Variants in SLC4A4 observed in about 807,000 individuals in gnomAD.
The protein encoded by SLC4A4 is solute carrier family 4 member 4.
Under a neutral mutation model 111.5 loss-of-function variants are expected in SLC4A4, and 27 were observed. The ratio of observed to expected loss-of-function variants is 0.24; its 90% confidence interval spans 0.18 to 0.33. SLC4A4 has a LOEUF of 0.33. Ranked by LOEUF, SLC4A4 falls within the 10% of genes least tolerant of loss-of-function variation. The pLI, the probability that SLC4A4 is intolerant of heterozygous loss-of-function variation, is 1.00. For synonymous variants in SLC4A4, 443 were observed against 463.4 expected (o/e 0.96, Z 0.57); for missense variants, 909 against 1,315.5 (o/e 0.69, Z 4.78).
In SLC4A4 at chr4:71,348,696, T is replaced by C. The variant is rs552665026; in HGVS notation, c.390-1216T>C. Among the ~76,000 whole-genome samples the C allele has an allele frequency of 4.6e-5, 7 of 152,286 alleles. No homozygotes were observed. The South Asian group carries it at 1.5e-3, about 32-fold the overall frequency. ...GGCTTGATTAACATTCTAAATTTTC[T>C]TTGACATTGTGGGCTGATCGCTTGA... is the stretch of plus-strand genomic sequence containing the variant. On this transcript the variant is annotated intron_variant, in intron 4 of 25. Coordinates refer to ENST00000264485, the MANE Select transcript of SLC4A4 (RefSeq NM_001098484.3).
At chr4:71,376,373 TTTG>T (rs1265614040) in intron 6 of SLC4A4, among the ~76,000 whole-genome samples, 2 of 150,440 alleles carry the variant, frequency 1.3e-5, no homozygotes, top group African/African-American at 4.9e-5. Flanking sequence ...GGCTAATTTT[TTTG>T]TTATTTTTAG....
intron 2 of SLC4A4, among the ~76,000 whole-genome samples, chr4:71,129,335 A>T (rs1005798806): frequency 1.3e-5 from 2 of 152,208 alleles, no homozygotes; most frequent in Non-Finnish European, 2.9e-5. Context: ...AAAAGGAGAT[A>T]TGCATGTGAC....
At chr4:71,379,697 G>A (rs139886272) in intron 6 of SLC4A4, among the ~76,000 whole-genome samples, 31 of 152,198 alleles carry the variant, frequency 2.0e-4, no homozygotes, top group African/African-American at 5.3e-4. Flanking sequence ...AATGTCACAC[G>A]CTTAGACAAA....
Position 71,146,854 on chromosome 4 carries a change from C to T in SLC4A4, c.-2+54062C>T, listed in dbSNP as rs191904987. On this transcript the variant is annotated intron_variant, in intron 2 of 26. Coordinates refer to the SLC4A4 transcript ENST00000649996. The stretch of plus-strand genomic sequence containing the variant: ...ACTAATGAGCAAAATAACCAGCTAA[C>T]ATCATAATGACAGGATCAAATTCAC... Among the ~76,000 whole-genome samples the T allele has an allele frequency of 3.9e-5, 6 of 152,254 alleles. No individual in the cohort carries two copies. In the East Asian group the frequency reaches 7.7e-4, roughly 20 times the overall value.
At chr4:71,114,103 C>T (rs974759814) in intron 2 of SLC4A4, among the ~76,000 whole-genome samples, 3 of 152,064 alleles carry the variant, frequency 2.0e-5, no homozygotes, top group South Asian at 2.1e-4. Flanking sequence ...AAAAATTAGC[C>T]GGGCGTGGTG....
At chr4:71,566,884 C>A in intron 24 of SLC4A4, 120 bp from the exon 25 acceptor site, 1 of 710,150 alleles carries the variant, frequency 1.4e-6, no homozygotes, top group Admixed American at 2.4e-5. Context: ...TATTGAAATG[C>A]CTAAACTTGT....
rs1728033889 is a variant in SLC4A4 at position 71,331,951 on chromosome 4, C to T, written c.254-7419C>T. 3.3e-5 allele frequency among the ~76,000 whole-genome samples: 5 copies of T among 152,194 alleles called. No homozygotes were observed. The South Asian group carries it at 8.3e-4, about 25-fold the overall frequency. On this transcript the variant is annotated intron_variant, in intron 3 of 25. Transcript: ENST00000264485. ...ATTTGTCCATTTCTTCTAAGTTTCT[C>T]AGTTTATTGGCATATAGTTGCTCGT...
chr4:71,254,626 C>T (rs1280209503), intron 2 of SLC4A4, among the ~76,000 whole-genome samples: 1 of 151,160 alleles, frequency 6.6e-6, no homozygotes, highest in Non-Finnish European at 1.5e-5. Context: ...TGTCCCAGTT[C>T]TAAGTCTCTA....
intron 3 of SLC4A4, among the ~76,000 whole-genome samples, chr4:71,258,889 C>T (rs1393632463): frequency 2.6e-5 from 4 of 152,122 alleles, no homozygotes; most frequent in South Asian, 2.1e-4. Context: ...GAAACTGAAC[C>T]GCAAGGCACA....
chr4:71,402,956 G>A (rs529910817), intron 7 of SLC4A4, among the ~76,000 whole-genome samples: 1 of 152,310 alleles, frequency 6.6e-6, no homozygotes, highest in South Asian at 2.1e-4. Context: ...TTAAACAGTT[G>A]ACAGGGATTA....
intron 2 of SLC4A4, among the ~76,000 whole-genome samples, chr4:71,166,009 G>GA (rs1416913453): frequency 6.6e-6 from 1 of 152,128 alleles, no homozygotes; most frequent in African/African-American, 2.4e-5. Context: ...GTAAAGCCAA[G>GA]AGCCTTGAGT....
At chr4:71,297,993 G>A (rs1380700209) in intron 3 of SLC4A4, among the ~76,000 whole-genome samples, 1 of 152,154 alleles carries the variant, frequency 6.6e-6, no homozygotes, top group Non-Finnish European at 1.5e-5. Context: ...CTTGGTTCAA[G>A]TTCTGCTTCT....
At chr4:71,557,634 A>T (rs1387170291) in intron 21 of SLC4A4, 78 bp from the exon 22 acceptor site, 1 of 1,399,680 alleles carries the variant, frequency 7.1e-7, no homozygotes. Flanking sequence ...ATAGAATATA[A>T]ATCAGTAGTG....
chr4:71,544,130 G>A (rs1735301881), intron 18 of SLC4A4, among the ~76,000 whole-genome samples: 1 of 151,998 alleles, frequency 6.6e-6, no homozygotes, highest in Admixed American at 6.6e-5. Flanking sequence ...AGTGTGACGA[G>A]TGTTGTGATA....
At chr4:71,425,906 G>A (rs1170526353) in intron 7 of SLC4A4, among the ~76,000 whole-genome samples, 1 of 151,980 alleles carries the variant, frequency 6.6e-6, no homozygotes, top group Non-Finnish European at 1.5e-5. Flanking sequence ...ATGTTTCTTA[G>A]CAGACTTAAA....
chr4:71,270,301 G>A (rs1578720785), intron 3 of SLC4A4, among the ~76,000 whole-genome samples: 3 of 152,232 alleles, frequency 2.0e-5, no homozygotes, highest in Admixed American at 2.0e-4. Context: ...TGTTGGCCAG[G>A]CTGGTCTCGA....
intron 1 of SLC4A4, among the ~76,000 whole-genome samples, chr4:71,090,701 TG>T (rs1379533364): frequency 6.6e-6 from 1 of 152,206 alleles, no homozygotes; most frequent in African/African-American, 2.4e-5. Context: ...GGTTGTTCTT[TG>T]CTGGGAAAAA....
chr4:71,490,102 C>T (rs2149136525), intron 15 of SLC4A4, among the ~76,000 whole-genome samples: 2 of 151,888 alleles, frequency 1.3e-5, no homozygotes, highest in Middle Eastern at 6.8e-3. Context: ...AGATTTCTTG[C>T]TTGGTATATC....
chr4:71,455,041 C>A (rs973731641), intron 12 of SLC4A4, among the ~76,000 whole-genome samples: 1 of 152,178 alleles, frequency 6.6e-6, no homozygotes, highest in Non-Finnish European at 1.5e-5. Flanking sequence ...ACTGTGATGA[C>A]GTCTAAGAGC....
Sources: allele counts gnomAD v4.1 joint callset (sites outside exome capture counted in the v4.1 genomes callset), GRCh38; gene constraint gnomAD v4.1.1; transcripts MANE v1.5; gene names NCBI Gene and HGNC (gene_info 2026-07-23, HGNC 2026-07-21).